The following PRR5L variants were observed in gnomAD, a reference collection of about 807,000 sequenced individuals.
PRR5L encodes proline rich 5 like, also known as proline-rich protein 5-like.
A neutral mutation model predicts 36.4 loss-of-function variants in PRR5L; 21 were observed. The ratio of observed to expected loss-of-function variants is 0.58; its 90% CI spans 0.41 to 0.83. The LOEUF (loss-of-function observed/expected upper bound fraction) is 0.83, where lower values mean the gene tolerates loss of function less well. PRR5L is among the 40% of genes least tolerant of loss of function. The probability of loss-of-function intolerance (pLI) is 0.00; values close to 1 mark genes in which losing one functional copy is unlikely to be tolerated. For synonymous variants in PRR5L, 188 were observed against 197.0 expected, an observed-to-expected ratio of 0.95 and a Z score of 0.38; for missense variants, 381 against 473.3, an observed-to-expected ratio of 0.80 and a Z score of 1.81.
intron 1 of PRR5L, among the ~76,000 whole-genome samples, chr11:36,302,702 G>T (rs1198165103): frequency 6.6e-6 from 1 of 152,160 alleles, no homozygotes; most frequent in African/African-American, 2.4e-5. Flanking sequence ...CACGAGAATC[G>T]CTTGAGCCTG....
chr11:36,299,565 A>G (rs1590418981), intron 1 of PRR5L, among the ~76,000 whole-genome samples: 3 of 152,316 alleles, frequency 2.0e-5, no homozygotes, highest in Admixed American at 2.0e-4. Flanking sequence ...TGTCCTTGGC[A>G]ATACCTGAAC....
intron 1 of PRR5L, among the ~76,000 whole-genome samples, chr11:36,297,112 C>G (rs180880822): frequency 9.9e-4 from 150 of 152,226 alleles, no homozygotes; most frequent in African/African-American, 3.3e-3. Context: ...AATTGAAGTA[C>G]GGATAATTTA....
chr11:36,452,760 T>C (rs144932208), intron 8 of PRR5L, among the ~76,000 whole-genome samples: 4 of 152,366 alleles, frequency 2.6e-5, no homozygotes, highest in Non-Finnish European at 5.9e-5. Context: ...GCTACCATTG[T>C]TTGGGCCTAA....
chr11:36,429,883 G>A (rs16928824), intron 4 of PRR5L, among the ~76,000 whole-genome samples: 12,494 of 152,238 alleles, frequency 0.082, 514 homozygotes, highest in African/African-American at 0.1. Context: ...ACAAGATGTC[G>A]ATTTGGTGCT....
At chr11:36,442,275 T>A (rs1296256695) in intron 6 of PRR5L, among the ~76,000 whole-genome samples, 1 of 152,202 alleles carries the variant, frequency 6.6e-6, no homozygotes, top group African/African-American at 2.4e-5. Context: ...AAGTCATTCC[T>A]TTACACCTAT....
intron 3 of PRR5L, among the ~76,000 whole-genome samples, chr11:36,417,771 C>G (rs1480641663): frequency 1.3e-5 from 2 of 152,154 alleles, no homozygotes; most frequent in Non-Finnish European, 2.9e-5. Context: ...TCCTGTTTAT[C>G]CTTCAGTGAC....
At position 36,367,091 on chromosome 11, in the gene PRR5L, G is replaced by A. The variant is rs140448820; in HGVS notation, c.-125-33906G>A. ...TATCTGTTTCTGAAGTGGGAAGGGT[G>A]TAAATGTCATTTTTTATTTTTAAGA... On this transcript the variant is annotated intron_variant, in intron 1 of 8. Transcript: ENST00000530639. 3.9e-5 allele frequency among the ~76,000 whole-genome samples: 6 copies of A among 152,118 alleles called. No homozygotes were observed. The East Asian group carries it at 9.6e-4, about 24-fold the overall frequency.
chr11:36,310,411 C>T (rs55818529), intron 1 of PRR5L, among the ~76,000 whole-genome samples: 3,522 of 152,132 alleles, frequency 0.023, 58 homozygotes, highest in Middle Eastern at 0.041. Context: ...TTAATAGGGG[C>T]GAAGTAGAGC....
intron 1 of PRR5L, among the ~76,000 whole-genome samples, chr11:36,309,980 A>T: frequency 6.6e-6 from 1 of 152,294 alleles, no homozygotes; most frequent in South Asian, 2.1e-4. Context: ...CACCACCATC[A>T]TCCCCACTAC....
At chr11:36,296,974 G>A (rs1856318014) in intron 1 of PRR5L, among the ~76,000 whole-genome samples, 1 of 152,142 alleles carries the variant, frequency 6.6e-6, no homozygotes, top group Admixed American at 6.5e-5. Context: ...TTCACTTTGA[G>A]AGGCAATGAT....
chr11:36,440,247 G>A (rs1858692782), intron 6 of PRR5L, among the ~76,000 whole-genome samples: 1 of 152,104 alleles, frequency 6.6e-6, no homozygotes. Flanking sequence ...ACCTATGCTG[G>A]GGAGGAATTT....
chr11:36,448,642 G>T (rs1175450420), intron 7 of PRR5L, among the ~76,000 whole-genome samples: 1 of 152,172 alleles, frequency 6.6e-6, no homozygotes, highest in Non-Finnish European at 1.5e-5. Flanking sequence ...AGAAGGTTGA[G>T]CAGGACTGAT....
chr11:36,325,898 G>A (rs1183223219), intron 1 of PRR5L, among the ~76,000 whole-genome samples: 1 of 152,048 alleles, frequency 6.6e-6, no homozygotes, highest in Non-Finnish European at 1.5e-5. Context: ...ACATATCCGG[G>A]ATTATTTTCT....
chr11:36,311,697 G>T (rs527652209), intron 1 of PRR5L, among the ~76,000 whole-genome samples: 1 of 152,098 alleles, frequency 6.6e-6, no homozygotes, highest in African/African-American at 2.4e-5. Context: ...TTCACACAGG[G>T]GCTTTTGCTG....
intron 1 of PRR5L, among the ~76,000 whole-genome samples, chr11:36,320,662 A>G (rs1032174063): frequency 6.6e-6 from 1 of 152,202 alleles, no homozygotes; most frequent in African/African-American, 2.4e-5. Flanking sequence ...TATGCATGCT[A>G]CTTGCTTAGA....
intron 8 of PRR5L, among the ~76,000 whole-genome samples, chr11:36,459,749 C>CT (rs1184920383): frequency 6.6e-6 from 1 of 152,210 alleles, no homozygotes; most frequent in Non-Finnish European, 1.5e-5. Context: ...GCTGTTAATA[C>CT]TTTAGCCCCT....
rs552414986 is a variant in PRR5L at position 36,323,790 on chromosome 11, C to T, written c.-126+27352C>T. 2.0e-5 allele frequency among the ~76,000 whole-genome samples: 3 copies of T among 152,276 alleles called. No individual in the cohort carries two copies. The South Asian group carries it at 6.2e-4, about 32-fold the overall frequency. ...ATCCCAGTTACTTGGAAAGCTGATGCAGAAAGATTGCTTCAGTTTAGGGAG... is the reference window on the plus strand; with the variant it reads ...ATCCCAGTTACTTGGAAAGCTGATGTAGAAAGATTGCTTCAGTTTAGGGAG... On this transcript the variant is annotated intron_variant, in intron 1 of 8. Transcript: ENST00000530639.
chr11:36,357,288 T>C (rs941441321), intron 1 of PRR5L, among the ~76,000 whole-genome samples: 17 of 152,204 alleles, frequency 1.1e-4, no homozygotes, highest in Admixed American at 2.0e-4. Context: ...AAGAAACCTG[T>C]CTCCATTACA....
At chr11:36,459,125 G>C (rs1859125420) in intron 8 of PRR5L, among the ~76,000 whole-genome samples, 1 of 152,166 alleles carries the variant, frequency 6.6e-6, no homozygotes, top group Non-Finnish European at 1.5e-5. Flanking sequence ...TCTCTCCCAG[G>C]CCAGACCGGT....
Sources: allele counts gnomAD v4.1 joint callset (sites outside exome capture counted in the v4.1 genomes callset), GRCh38; gene constraint gnomAD v4.1.1; transcripts MANE v1.5; gene names NCBI Gene and HGNC (gene_info 2026-07-23, HGNC 2026-07-21).